FBN1: variants seen among roughly 807,000 people sequenced by gnomAD.
FBN1 encodes fibrillin 1, also known as fibrillin-1.
Under a neutral mutation model 365.1 loss-of-function variants are expected in FBN1, and 29 were observed. That is an observed-to-expected ratio of 0.08 (90% CI 0.06 to 0.11). The LOEUF (loss-of-function observed/expected upper bound fraction) is 0.11, where lower values mean the gene tolerates loss of function less well. Ranked by LOEUF, FBN1 falls within the 10% of genes least tolerant of loss-of-function variation. The pLI, the probability that FBN1 is intolerant of heterozygous loss-of-function variation, is 1.00. For synonymous variants in FBN1, 1,210 were observed against 1,270.5 expected, an observed-to-expected ratio of 0.95 and a Z score of 1.01; for missense variants, 2,476 against 3,703.2, an observed-to-expected ratio of 0.67 and a Z score of 8.60.
chr15:48,472,800 T>C, intron 34 of FBN1, 124 bp from the exon 35 acceptor site: 1 of 1,329,026 alleles, frequency 7.5e-7, no homozygotes, highest in East Asian at 2.4e-5. Context: ...TTTAAAGTCA[T>C]TTATTTTTCT....
At chr15:48,439,377 T>C (rs1179714756) in intron 50 of FBN1, among the ~76,000 whole-genome samples, 1 of 152,080 alleles carries the variant, frequency 6.6e-6, no homozygotes, top group Non-Finnish European at 1.5e-5. Context: ...GCAATAAAAG[T>C]CAATCCTGCG....
At chr15:48,566,255 A>G (rs916296104) in intron 6 of FBN1, among the ~76,000 whole-genome samples, 2 of 152,230 alleles carry the variant, frequency 1.3e-5, no homozygotes, top group Non-Finnish European at 2.9e-5. Context: ...CAACAGGGGA[A>G]AAAGTTTCAA....
chr15:48,440,588 C>T (rs1432878044), intron 50 of FBN1, among the ~76,000 whole-genome samples: 2 of 152,124 alleles, frequency 1.3e-5, no homozygotes, highest in South Asian at 2.1e-4. Context: ...TGAAATCAAC[C>T]GGAGAACTCT....
intron 5 of FBN1, among the ~76,000 whole-genome samples, chr15:48,596,765 G>A (rs2044519229): frequency 6.6e-6 from 1 of 152,220 alleles, no homozygotes; most frequent in Admixed American, 6.5e-5. Flanking sequence ...CAGCCCCTCT[G>A]ATGTCACCAT....
At chr15:48,412,845 C>G in intron 64 of FBN1, 102 bp from the exon 65 acceptor site, 1 of 1,390,438 alleles carries the variant, frequency 7.2e-7, no homozygotes, top group Admixed American at 1.7e-5. Flanking sequence ...TTGTGAGATA[C>G]AGCCCTTGCT....
intron 6 of FBN1, among the ~76,000 whole-genome samples, chr15:48,577,888 A>G (rs189967731): frequency 1.1e-3 from 172 of 152,288 alleles, no homozygotes; most frequent in African/African-American, 4.0e-3. Flanking sequence ...TATATTTGTA[A>G]CATATGTCTT....
chr15:48,425,775 C>G lies in FBN1; in HGVS notation c.7294G>C (p.Gly2432Arg). ...RGSYHCICKT[G>R]YTPDITGTSC... ...GTCCCAGTTATATCTGGAGTGTACC[C>G]AGTTTTACAAATGCAATGATATGAT... The change falls in exon 59 of 66, where the codon GGG becomes CGG. Residue 2432 changes from glycine to arginine, a missense_variant. Transcript: ENST00000316623. 7 of 1,613,504 alleles carry G rather than the reference C, an allele frequency of 4.3e-6. No individual in the cohort carries two copies. The highest frequency in any genetic ancestry group is 5.9e-6 in the Non-Finnish European group (7 of 1,179,530).
chr15:48,442,903 C>T (rs1388080317), intron 49 of FBN1, among the ~76,000 whole-genome samples: 1 of 152,108 alleles, frequency 6.6e-6, no homozygotes, highest in Non-Finnish European at 1.5e-5. Context: ...ACAAAATATC[C>T]TTGTATCCTG....
Position 48,520,776 on chromosome 15 carries a change from G to A in FBN1, c.1030C>T (p.Arg344Cys), listed in dbSNP as rs752010116. The A allele has an allele frequency of 3.7e-6, 6 of 1,614,118 alleles. No individual in the cohort carries two copies. The highest frequency in any genetic ancestry group is 1.1e-5 in the South Asian group (1 of 91,064). ...GACTGTGGCAGCTGGTTAGAGCAGC[G>A]CCCGTTTGTCAGAGCTGTGTAACAG... ...GYCYTALTNG[R>C]CSNQLPQSIT... is the part of the protein sequence containing the mutation. Residue 344 changes from arginine (R) to cysteine (C), a missense_variant, in exon 10 of 66, where the codon CGC becomes TGC. Transcript: ENST00000316623.
intron 6 of FBN1, among the ~76,000 whole-genome samples, chr15:48,571,804 T>C (rs12911732): frequency 0.13 from 19,686 of 152,086 alleles, 1,347 homozygotes; most frequent in Non-Finnish European, 0.15. Flanking sequence ...TGTTCAAAGA[T>C]GTTACACATA....
chr15:48,446,874 T>A, intron 46 of FBN1, 52 bp from the exon 47 acceptor site: 1 of 1,241,230 alleles, frequency 8.1e-7, no homozygotes. Flanking sequence ...GAAAAAGTGG[T>A]TACACGGTTA....
At chr15:48,424,898 T>C (rs935222264) in intron 60 of FBN1, among the ~76,000 whole-genome samples, 1 of 152,156 alleles carries the variant, frequency 6.6e-6, no homozygotes, top group Non-Finnish European at 1.5e-5. Flanking sequence ...AGGGCAGAAA[T>C]AGACTTTTTC....
chr15:48,566,850 T>G lies in FBN1; in HGVS notation c.539-29042A>C, dbSNP rs542144871. Among the ~76,000 whole-genome samples the G allele has an allele frequency of 1.3e-3, 198 of 152,310 alleles. 1 individual carries two copies. The highest frequency in any genetic ancestry group is 4.6e-3 in the African/African-American group (192 of 41,572). On this transcript the variant is annotated intron_variant, in intron 6 of 65. Coordinates refer to ENST00000316623, the MANE Select transcript of FBN1 (RefSeq NM_000138.5). ...CAACAATCTTGGAAAATCCAAAATA[T>G]GTCCCAAAGCAATTTATGACAGGGT...
At chr15:48,419,596 A>G (rs2042924955) in intron 63 of FBN1, among the ~76,000 whole-genome samples, 1 of 152,244 alleles carries the variant, frequency 6.6e-6, no homozygotes, top group Non-Finnish European at 1.5e-5. Flanking sequence ...CCTATAGCAC[A>G]GGGGTCACTT....
chr15:48,448,713 A>C (rs1353941334), intron 46 of FBN1, 55 bp downstream of exon 46: 3 of 1,556,204 alleles, frequency 1.9e-6, no homozygotes, highest in South Asian at 2.3e-5. Flanking sequence ...CATATTTAGA[A>C]TCAAATGAAG....
chr15:48,589,654 C>T (rs1351135476), intron 6 of FBN1, among the ~76,000 whole-genome samples: 4 of 138,700 alleles, frequency 2.9e-5, no homozygotes, highest in Non-Finnish European at 4.5e-5. Context: ...CGCTCTGTCG[C>T]CCAGGCTGGA....
chr15:48,437,722 T>C (rs1409553737), intron 51 of FBN1, 46 bp downstream of exon 51: 3 of 1,607,036 alleles, frequency 1.9e-6, no homozygotes, highest in Non-Finnish European at 2.6e-6. Context: ...TCATGGCCAG[T>C]CTGCACCCTG....
intron 2 of FBN1, chr15:48,642,454 G>A (rs1890213939): frequency 1.3e-5 from 2 of 152,092 alleles, no homozygotes; most frequent in Non-Finnish European, 2.9e-5. Context: ...TAAAAAGTAA[G>A]TAAAGTTCAG....
chr15:48,542,781 A>ATGTGTG (rs58728910), intron 6 of FBN1, among the ~76,000 whole-genome samples: 7,811 of 130,438 alleles, frequency 0.06, 384 homozygotes, highest in East Asian at 0.13. Flanking sequence ...GGACTCTAAG[A>ATGTGTG]TGTGTGTGTG....
Sources: gnomAD v4.1 joint callset for allele counts (sites outside exome capture counted in the v4.1 genomes callset) on GRCh38, gnomAD v4.1.1 for gene constraint, MANE v1.5 for transcripts, NCBI Gene and HGNC (gene_info 2026-07-23, HGNC 2026-07-21) for gene names.